Variants in PCDHA6 observed in about 807,000 individuals in gnomAD.
The protein encoded by PCDHA6 is protocadherin alpha-6.
PCDHA6 carries 55 observed loss-of-function variants against 60.3 expected under a neutral mutation model. That is an observed-to-expected ratio of 0.91 (90% CI 0.73 to 1.14). PCDHA6 has a LOEUF of 1.14. PCDHA6 is among the 50% of genes most tolerant of loss of function. The probability of loss-of-function intolerance (pLI) is 0.00; values close to 1 mark genes in which losing one functional copy is unlikely to be tolerated. For missense variants in PCDHA6, 1,327 were observed against 1,256.5 expected (o/e 1.06, Z -0.85); for synonymous variants, 652 against 557.9 (o/e 1.17, Z -2.38).
chr5:140,861,503 C>G, intron 1 of PCDHA6: 1 of 478,536 alleles, frequency 2.1e-6, no homozygotes, highest in African/African-American at 2.0e-5. Flanking sequence ...TGATAGACCT[C>G]GAGGAGCTGT....
intron 1 of PCDHA6, among the ~76,000 whole-genome samples, chr5:140,917,340 T>TG (rs2078149834): frequency 7.5e-6 from 1 of 132,986 alleles, no homozygotes; most frequent in Non-Finnish European, 1.6e-5. Context: ...AGGGGGGGGA[T>TG]GGTGTAGGCT....
At chr5:140,926,438 G>A (rs2083248814) in intron 1 of PCDHA6, 1 of 154,646 alleles carries the variant, frequency 6.5e-6, no homozygotes, top group African/African-American at 2.4e-5. Flanking sequence ...TTAAGATCTG[G>A]GCAGCCTCAG....
chr5:140,836,773 A>G lies in PCDHA6; in HGVS notation c.2394+6288A>G, dbSNP rs2150269695. On this transcript the variant is annotated intron_variant, in intron 1 of 3. Transcript: ENST00000529310. ...AAATAATCTTGTTTCCAACAATTTT[A>G]AAACAATTAGTTCAATTGGTCTCCT... is the stretch of plus-strand genomic sequence containing the variant. The G allele has an allele frequency of 2.6e-6, 4 of 1,543,022 alleles. No individual in the cohort carries two copies. The East Asian group carries it at 9.0e-5, about 35-fold the overall frequency.
At chr5:140,888,315 C>A (rs2061784289) in intron 1 of PCDHA6, among the ~76,000 whole-genome samples, 1 of 152,084 alleles carries the variant, frequency 6.6e-6, no homozygotes, top group Non-Finnish European at 1.5e-5. Flanking sequence ...TTGGCAATGC[C>A]TGGATACATT....
chr5:140,854,663 C>G (rs1359601461), intron 1 of PCDHA6: 1 of 149,774 alleles, frequency 6.7e-6, no homozygotes, highest in Non-Finnish European at 1.5e-5. Context: ...TAAATTAACC[C>G]TTGCATAAGA....
chr5:140,838,021 A>T (rs190658901), intron 1 of PCDHA6, among the ~76,000 whole-genome samples: 1 of 151,324 alleles, frequency 6.6e-6, no homozygotes, highest in African/African-American at 2.4e-5. Flanking sequence ...AAGTGATTAC[A>T]GTAGAAACCT....
rs2051668710 is a variant in PCDHA6, at chr5:140,870,104, CA to C, written c.2394+39620del. The C allele has an allele frequency of 1.9e-6, 3 of 1,613,930 alleles. No individual in the cohort carries two copies. In the East Asian group the frequency reaches 6.7e-5, roughly 36 times the overall value. On this transcript the variant is annotated intron_variant, in intron 1 of 3. Coordinates refer to ENST00000529310, the MANE Select transcript of PCDHA6 (RefSeq NM_018909.4). ...ACTCCCCCAATGGCAGGTCACTGTACAGTCTGGGTGGAAATCTTGGACACCA... is the reference window on the plus strand; with the variant it reads ...ACTCCCCCAATGGCAGGTCACTGTACGTCTGGGTGGAAATCTTGGACACCA...
At chr5:140,862,905 G>A in intron 1 of PCDHA6, 2 of 551,590 alleles carry the variant, frequency 3.6e-6, no homozygotes, top group Non-Finnish European at 7.0e-6. Context: ...TGTCTGCGCT[G>A]CTGGCGCCTT....
At chr5:140,929,459 G>A in intron 1 of PCDHA6, 1 of 1,350,080 alleles carries the variant, frequency 7.4e-7, no homozygotes. Flanking sequence ...CACTTCCTGT[G>A]CCAAGAAATC....
intron 1 of PCDHA6, among the ~76,000 whole-genome samples, chr5:140,893,065 A>G (rs2063802609): frequency 6.6e-6 from 1 of 152,226 alleles, no homozygotes; most frequent in South Asian, 2.1e-4. Context: ...TACTGCCATG[A>G]ATAACAGGAT....
At chr5:140,950,559 T>TAA (rs1381352344) in intron 1 of PCDHA6, among the ~76,000 whole-genome samples, 1 of 152,076 alleles carries the variant, frequency 6.6e-6, no homozygotes, top group African/African-American at 2.4e-5. Flanking sequence ...GGGGGACACT[T>TAA]ATTTTAAGGT....
intron 1 of PCDHA6, among the ~76,000 whole-genome samples, chr5:140,885,128 T>A (rs2060480813): frequency 6.6e-6 from 1 of 152,222 alleles, no homozygotes; most frequent in Non-Finnish European, 1.5e-5. Context: ...CTTTTCTTTC[T>A]TTCTTTTTTT....
At position 140,848,200 on chromosome 5, in the gene PCDHA6, A is replaced by G. The variant is rs1011742191; in HGVS notation, c.2394+17715A>G. On this transcript the variant is annotated intron_variant, in intron 1 of 3. Transcript: ENST00000529310. ...AGAAACGGGATCTTCTGTTTCAACA[A>G]TCATTACTTAAGAAAAAATTAAGAA... is the stretch of plus-strand genomic sequence containing the variant. 48 of 323,068 alleles carry G rather than the reference A, an allele frequency of 1.5e-4. 5 individuals carry two copies. Among genetic ancestry groups the G allele is most frequent in the Non-Finnish European group, 1.1e-5 (2 of 175,496 alleles). 20.0% of individuals were successfully genotyped at this position (323,068 alleles called of 1,614,324 possible). A position where few individuals can be genotyped will look rare whatever the true frequency, so the allele number is the denominator to read the frequency against.
chr5:140,943,657 C>T (rs531235288), intron 1 of PCDHA6, among the ~76,000 whole-genome samples: 51 of 151,756 alleles, frequency 3.4e-4, no homozygotes, highest in African/African-American at 1.2e-3. Flanking sequence ...CATCTATGAA[C>T]AATGTATAAA....
intron 1 of PCDHA6, chr5:140,851,096 T>A (rs2041958887): frequency 7.7e-7 from 1 of 1,292,466 alleles, no homozygotes; most frequent in Non-Finnish European, 1.0e-6. Context: ...AAATAGATAT[T>A]TTTTGGGTGC....
chr5:140,836,400 G>A, intron 1 of PCDHA6: 1 of 1,613,760 alleles, frequency 6.2e-7, no homozygotes, highest in South Asian at 1.1e-5. Flanking sequence ...GGTGGAAAGC[G>A]GCCAGGCACC....
At chr5:140,991,214 A>G (rs922136535) in intron 3 of PCDHA6, among the ~76,000 whole-genome samples, 4 of 152,202 alleles carry the variant, frequency 2.6e-5, no homozygotes, top group Non-Finnish European at 4.4e-5. Context: ...AATTTTGTTA[A>G]ATTCATTAAT....
intron 1 of PCDHA6, chr5:140,875,190 C>T (rs2055337617): frequency 4.0e-6 from 2 of 496,884 alleles, no homozygotes; most frequent in Admixed American, 4.0e-5. Flanking sequence ...TTAAGAGTGA[C>T]CCAGGAAGTG....
chr5:140,830,398 C>G lies in PCDHA6; in HGVS notation c.2307C>G (p.Leu769=). 1.9e-6 allele frequency: 3 copies of G among 1,614,184 alleles called. No homozygotes were observed. The highest frequency in any genetic ancestry group is 2.5e-6 in the Non-Finnish European group (3 of 1,179,998). Reference sequence around the variant, plus strand: ...GGGAGGGCCCACCCAAGATGGATCTCATGGCCTTTAGCCCCAGCCTTTCAC... The same window carrying G: ...GGGAGGGCCCACCCAAGATGGATCTGATGGCCTTTAGCCCCAGCCTTTCAC... ...CSGEGPPKMD[L]MAFSPSLSPC... The change falls in exon 1 of 4, where the codon CTC becomes CTG. Residue 769 remains leucine, a synonymous_variant. Transcript: ENST00000529310.
Sources: allele counts gnomAD v4.1 joint callset (sites outside exome capture counted in the v4.1 genomes callset), GRCh38; gene constraint gnomAD v4.1.1; transcripts MANE v1.5; gene names NCBI Gene and HGNC (gene_info 2026-07-23, HGNC 2026-07-21).